Variants in SETD3 observed in about 807,000 individuals in gnomAD.
SETD3 encodes SET domain containing 3, actin N3(tau)-histidine methyltransferase.
In SETD3, 19 loss-of-function variants were observed where a neutral mutation model predicts 63.0. The ratio of observed to expected loss-of-function variants is 0.30; its 90% CI spans 0.21 to 0.44. SETD3 has a LOEUF of 0.44. Among genes scored for constraint, SETD3 ranks in the 20% least tolerant of loss-of-function variants. The pLI is 1.00. For missense variants in SETD3, 587 were observed against 728.5 expected, an observed-to-expected ratio of 0.81 and a Z score of 2.24; for synonymous variants, 286 against 264.1, an observed-to-expected ratio of 1.08 and a Z score of -0.80.
chr14:99,476,921 C>A (rs1459590602), intron 1 of SETD3, among the ~76,000 whole-genome samples: 1 of 152,142 alleles, frequency 6.6e-6, no homozygotes, highest in Non-Finnish European at 1.5e-5. Flanking sequence ...CGTGTAGACA[C>A]TTGATTATCT....
At chr14:99,409,133 C>T (rs1891838338) in intron 8 of SETD3, among the ~76,000 whole-genome samples, 1 of 152,172 alleles carries the variant, frequency 6.6e-6, no homozygotes, top group South Asian at 2.1e-4. Context: ...ACCTCCTCCT[C>T]GCCCAGCTCC....
intron 6 of SETD3, 117 bp downstream of exon 6, chr14:99,458,162 A>G: frequency 1.6e-6 from 2 of 1,212,382 alleles, no homozygotes; most frequent in South Asian, 1.6e-5. Context: ...TTTTCAATTT[A>G]AAAAGTAAAA....
chr14:99,434,846 T>TAAAAAAAA (rs1566706239), intron 6 of SETD3, among the ~76,000 whole-genome samples: 5 of 18,930 alleles, frequency 2.6e-4, no homozygotes, highest in African/African-American at 1.5e-3. Flanking sequence ...AAACTCTGCC[T>TAAAAAAAA]CAAAAAAAAA....
chr14:99,427,112 AG>A (rs1469343549), intron 6 of SETD3, among the ~76,000 whole-genome samples: 1 of 152,198 alleles, frequency 6.6e-6, no homozygotes, highest in Non-Finnish European at 1.5e-5. Context: ...AACTTTCCCA[AG>A]TGTGGTCATT....
rs572176132 is a variant in SETD3 at position 99,452,853 on chromosome 14, G to C, written c.675+5426C>G. 9.5e-4 allele frequency among the ~76,000 whole-genome samples: 144 copies of C among 152,258 alleles called. 1 individual carries two copies. The Middle Eastern group carries it at 0.01, about 11-fold the overall frequency. On this transcript the variant is annotated intron_variant, in intron 6 of 12. Transcript: ENST00000331768. ...CGAGCCAGCAGGCAGATCGCGGGGG[G>C]AGAAAACAAAATAGGTTTCAGTTCA...
At chr14:99,483,720 G>A (rs985875785), upstream of SETD3, among the ~76,000 whole-genome samples, 11 of 152,244 alleles carry the variant, frequency 7.2e-5, no homozygotes, top group Non-Finnish European at 1.6e-4. Context: ...ATTGGATAAG[G>A]TGTGGTTAGA....
chr14:99,420,943 AGGGCGGGGGGGG>A, intron 6 of SETD3, among the ~76,000 whole-genome samples: 1 of 1,286 alleles, frequency 7.8e-4, no homozygotes, highest in Non-Finnish European at 0.012. Flanking sequence ...AAGCCAGGCG[AGGGCGGGGGGGG>A]GGGGGGGGGG....
At chr14:99,450,203 G>A (rs1202811736) in intron 6 of SETD3, among the ~76,000 whole-genome samples, 1 of 152,198 alleles carries the variant, frequency 6.6e-6, no homozygotes, top group Non-Finnish European at 1.5e-5. Flanking sequence ...GAATTTCAGG[G>A]CCTTGGGATC....
intron 9 of SETD3, 21 bp downstream of exon 9, chr14:99,406,493 TTG>T (rs1566873821): frequency 6.2e-7 from 1 of 1,611,576 alleles, no homozygotes; most frequent in Non-Finnish European, 8.5e-7. Context: ...GGCTCACATT[TTG>T]TGAGATGCCA....
intron 8 of SETD3, chr14:99,411,656 G>A (rs1036633221): frequency 6.6e-6 from 1 of 152,104 alleles, no homozygotes; most frequent in African/African-American, 2.4e-5. Flanking sequence ...AAACACTACA[G>A]TCAGATATTA....
intron 6 of SETD3, among the ~76,000 whole-genome samples, chr14:99,421,187 A>G (rs1595173868): frequency 6.6e-6 from 1 of 151,796 alleles, no homozygotes; most frequent in Non-Finnish European, 1.5e-5. Flanking sequence ...AAAGATATAT[A>G]TACTTCCAAC....
At chr14:99,411,322 TA>T (rs572268814) in intron 8 of SETD3, 79 of 152,258 alleles carry the variant, frequency 5.2e-4, no homozygotes, top group African/African-American at 1.9e-3. Flanking sequence ...CTTTTTTTTT[TA>T]ACACTTGGTA....
At chr14:99,430,979 A>G (rs1351673064) in intron 6 of SETD3, among the ~76,000 whole-genome samples, 1 of 152,232 alleles carries the variant, frequency 6.6e-6, no homozygotes, top group Non-Finnish European at 1.5e-5. Context: ...TGCCAGACAC[A>G]ATAAAATGTC....
At chr14:99,463,641 A>C (rs1388437788) in intron 2 of SETD3, 63 bp from the exon 3 acceptor site, 17 of 1,333,944 alleles carry the variant, frequency 1.3e-5, no homozygotes, top group Non-Finnish European at 1.6e-5. Flanking sequence ...ACTAGTCTGC[A>C]CAAGAAAGAG....
At chr14:99,480,491 G>A in intron 1 of SETD3, among the ~76,000 whole-genome samples, 1 of 151,064 alleles carries the variant, frequency 6.6e-6, no homozygotes, top group Non-Finnish European at 1.5e-5. Context: ...CGCCCGGGCA[G>A]AGGCCGACCG....
At chr14:99,464,111 G>C (rs1895232390) in intron 2 of SETD3, among the ~76,000 whole-genome samples, 1 of 152,190 alleles carries the variant, frequency 6.6e-6, no homozygotes, top group Non-Finnish European at 1.5e-5. Context: ...ATATTCAGCA[G>C]TCTGGGGGAG....
chr14:99,446,775 C>T lies in SETD3; in HGVS notation c.675+11504G>A, dbSNP rs1027810430. On this transcript the variant is annotated intron_variant, in intron 6 of 12. Coordinates refer to ENST00000331768, the MANE Select transcript of SETD3 (RefSeq NM_032233.3). ...GAGGACTTCCAGTGAGAAGGGTCAG[C>T]GAGGAAGACAGAGCAGAAGCGTTGC... Among the ~76,000 whole-genome samples the T allele has an allele frequency of 5.3e-5, 8 of 152,048 alleles. No homozygotes were observed. In the East Asian group the frequency reaches 5.8e-4, roughly 11 times the overall value.
At position 99,412,868 on chromosome 14, in the gene SETD3, G is replaced by GT. The variant is rs568711861; in HGVS notation, c.849+82dup. On this transcript the variant is annotated intron_variant, in intron 8 of 12. Transcript: ENST00000331768. ...GGAGGCAACGGGGGGAGTACGATGG[G>GT]TAGGTGGAATAACAGCCCCCTCCCA... 3.5e-4 allele frequency: 336 copies of GT among 967,246 alleles called. 2 individuals are homozygous for GT. The East Asian group carries it at 7.2e-3, about 21-fold the overall frequency. 59.9% of individuals were successfully genotyped at this position (967,246 alleles called of 1,614,324 possible). A position where few individuals can be genotyped will look rare whatever the true frequency, so the allele number is the denominator to read the frequency against.
intron 6 of SETD3, among the ~76,000 whole-genome samples, chr14:99,435,729 TCCCCAC>T (rs1893440580): frequency 7.1e-6 from 1 of 140,714 alleles, no homozygotes; most frequent in African/African-American, 2.8e-5. Flanking sequence ...CAAGGCAGGT[TCCCCAC>T]CCCCCCACCT....
Sources: gnomAD v4.1 joint callset for allele counts (sites outside exome capture counted in the v4.1 genomes callset) on GRCh38, gnomAD v4.1.1 for gene constraint, MANE v1.5 for transcripts, NCBI Gene and HGNC (gene_info 2026-07-23, HGNC 2026-07-21) for gene names.